Variants in DTWD2 observed in about 807,000 individuals in gnomAD.
DTWD2 encodes the protein tRNA-uridine aminocarboxypropyltransferase 2.
A neutral mutation model predicts 31.8 loss-of-function variants in DTWD2; 39 were observed. The ratio of observed to expected loss-of-function variants is 1.22; its 90% CI spans 0.95 to 1.60. The LOEUF is 1.60. Ranked by LOEUF, DTWD2 falls within the 40% of genes most tolerant of loss-of-function variation. The pLI is 0.00. For missense variants in DTWD2, 515 were observed against 381.5 expected (o/e 1.35, Z -2.92); for synonymous variants, 180 against 142.8 (o/e 1.26, Z -1.86).
At chr5:118,892,924 T>C (rs1753005048) in intron 4 of DTWD2, among the ~76,000 whole-genome samples, 1 of 152,024 alleles carries the variant, frequency 6.6e-6, no homozygotes, top group Non-Finnish European at 1.5e-5. Flanking sequence ...GTTTATCCAC[T>C]TACAGAATGT....
At chr5:118,907,362 G>A (rs755844723) in intron 4 of DTWD2, among the ~76,000 whole-genome samples, 1 of 152,080 alleles carries the variant, frequency 6.6e-6, no homozygotes, top group Non-Finnish European at 1.5e-5. Flanking sequence ...GAGAGAGAAA[G>A]AGATTTCTTA....
intron 1 of DTWD2, among the ~76,000 whole-genome samples, chr5:118,946,716 C>G (rs1754347127): frequency 6.6e-6 from 1 of 151,720 alleles, no homozygotes; most frequent in Non-Finnish European, 1.5e-5. Flanking sequence ...AGCTGTAAGT[C>G]TACAAACATT....
intron 4 of DTWD2, among the ~76,000 whole-genome samples, chr5:118,863,419 A>T (rs1353390301): frequency 6.6e-6 from 1 of 152,232 alleles, no homozygotes; most frequent in Non-Finnish European, 1.5e-5. Flanking sequence ...ATAGAAGAAA[A>T]CATCTTATTC....
intron 1 of DTWD2, among the ~76,000 whole-genome samples, chr5:118,957,736 G>C (rs892195851): frequency 1.3e-5 from 2 of 152,180 alleles, no homozygotes; most frequent in Admixed American, 1.3e-4. Flanking sequence ...GCCTAGAGCA[G>C]TGAAGAAATT....
intron 4 of DTWD2, among the ~76,000 whole-genome samples, chr5:118,916,885 G>T (rs1346703162): frequency 6.6e-6 from 1 of 151,896 alleles, no homozygotes; most frequent in Non-Finnish European, 1.5e-5. Context: ...ACTAACTCTG[G>T]ATCAGAAAGA....
intron 4 of DTWD2, among the ~76,000 whole-genome samples, chr5:118,915,235 C>T (rs1753547322): frequency 6.6e-6 from 1 of 151,796 alleles, no homozygotes; most frequent in Non-Finnish European, 1.5e-5. Context: ...ATATATTTTT[C>T]TTAATATGGA....
intron 1 of DTWD2, among the ~76,000 whole-genome samples, chr5:118,966,347 G>A (rs1754848941): frequency 1.3e-5 from 2 of 152,138 alleles, no homozygotes; most frequent in African/African-American, 4.8e-5. Flanking sequence ...AGGGTTATGA[G>A]GAATTTCTGT....
chr5:118,981,277 T>A (rs532847123), intron 1 of DTWD2, among the ~76,000 whole-genome samples: 1 of 152,302 alleles, frequency 6.6e-6, no homozygotes, highest in Non-Finnish European at 1.5e-5. Context: ...TACATCGTGG[T>A]GATGGCTACA....
chr5:118,923,524 C>T (rs994770219), intron 4 of DTWD2, among the ~76,000 whole-genome samples: 2 of 152,198 alleles, frequency 1.3e-5, no homozygotes, highest in South Asian at 2.1e-4. Flanking sequence ...AAGGGAGGCA[C>T]TGCGCATGCG....
intron 1 of DTWD2, among the ~76,000 whole-genome samples, chr5:118,957,498 G>A (rs751343394): frequency 4.2e-4 from 64 of 152,108 alleles, no homozygotes; most frequent in Non-Finnish European, 6.2e-4. Context: ...GGGATTACAG[G>A]TGTGAGCCAC....
chr5:118,866,640 C>CG (rs956036775), intron 4 of DTWD2, among the ~76,000 whole-genome samples: 11 of 151,920 alleles, frequency 7.2e-5, no homozygotes, highest in African/African-American at 2.7e-4. Context: ...AAATTCAGGC[C>CG]GGGGGTGGTG....
intron 4 of DTWD2, among the ~76,000 whole-genome samples, chr5:118,875,124 G>T (rs1401138873): frequency 6.6e-6 from 1 of 152,032 alleles, no homozygotes; most frequent in East Asian, 1.9e-4. Context: ...TTCATACGGA[G>T]AAAAAAGTAA....
At chr5:118,852,473 C>T (rs1752033061) in intron 4 of DTWD2, among the ~76,000 whole-genome samples, 1 of 152,118 alleles carries the variant, frequency 6.6e-6, no homozygotes, top group African/African-American at 2.4e-5. Context: ...CTGGTCCCTC[C>T]GTTCAGGGTC....
rs183903641 is a variant in DTWD2, at chr5:118,960,879, C to T, written c.219-16230G>A. The stretch of plus-strand genomic sequence containing the variant: ...ATCAGTGGGAGCTAAACACTGAGTA[C>T]ACATGGATGCCAAGAAGGAAACAAT... On this transcript the variant is annotated intron_variant, in intron 1 of 5. Coordinates refer to ENST00000510708, the MANE Select transcript of DTWD2 (RefSeq NM_173666.4). Among the ~76,000 whole-genome samples the T allele has an allele frequency of 1.0e-3, 158 of 152,136 alleles. 1 individual carries two copies. The highest frequency in any genetic ancestry group is 3.6e-3 in the African/African-American group (151 of 41,488).
In DTWD2 at chr5:118,840,998, A is replaced by G; in HGVS notation, c.816T>C (p.Asn272=). 9 of 1,613,858 alleles carry G rather than the reference A, an allele frequency of 5.6e-6. No individual in the cohort carries two copies. The highest frequency in any genetic ancestry group is 7.6e-6 in the Non-Finnish European group (9 of 1,179,868). Residue 272 remains asparagine (N), a synonymous_variant, in exon 6 of 6, where the codon AAT becomes AAC. Transcript: ENST00000510708. ...IRLSKEHLLK[N]GLYPKPMPKN... Reference sequence around the variant, plus strand: ...TTGGCATTGGTTTAGGATATAATCCATTTTTCAGAAGGTGTTCCTTGCTGA... The same window carrying G: ...TTGGCATTGGTTTAGGATATAATCCGTTTTTCAGAAGGTGTTCCTTGCTGA...
rs1451600657 is a variant in DTWD2, at chr5:118,838,611, T to A, written c.*2306A>T. On this transcript the variant is annotated 3_prime_UTR_variant, in exon 6 of 6. Transcript: ENST00000510708. ...GCATTTTATACCACAGATGATTAAA[T>A]GGACTCACCTTGTTAAGAGGTCAGG... 1 of 152,110 alleles carries A rather than the reference T, an allele frequency of 6.6e-6. No individual in the cohort carries two copies. The highest frequency in any genetic ancestry group is 1.5e-5 in the Non-Finnish European group (1 of 68,030). The allele number at this position is 152,110 out of a possible 1,614,324, so 9.4% of individuals were successfully genotyped here.
intron 4 of DTWD2, among the ~76,000 whole-genome samples, chr5:118,903,855 T>C (rs996901643): frequency 1.1e-4 from 17 of 151,790 alleles, no homozygotes; most frequent in African/African-American, 4.1e-4. Flanking sequence ...TTCAATCAAA[T>C]GAAATAGAGT....
At chr5:118,903,950 G>C (rs1457940412) in intron 4 of DTWD2, among the ~76,000 whole-genome samples, 1 of 151,938 alleles carries the variant, frequency 6.6e-6, no homozygotes, top group African/African-American at 2.4e-5. Context: ...ATGTCAAAAG[G>C]ATAGAGGATC....
At chr5:118,922,497 G>A (rs1304428468) in intron 4 of DTWD2, among the ~76,000 whole-genome samples, 1 of 151,910 alleles carries the variant, frequency 6.6e-6, no homozygotes, top group East Asian at 1.9e-4. Context: ...AGCATAGTAA[G>A]AAAAAATAAC....
Sources: gnomAD v4.1 joint callset for allele counts (sites outside exome capture counted in the v4.1 genomes callset) on GRCh38, gnomAD v4.1.1 for gene constraint, MANE v1.5 for transcripts, NCBI Gene and HGNC (gene_info 2026-07-23, HGNC 2026-07-21) for gene names.